The following LHPP variants were observed in gnomAD, a reference collection of about 807,000 sequenced individuals.
The protein encoded by LHPP is phospholysine phosphohistidine inorganic pyrophosphate phosphatase, also known as hLHPP.
LHPP carries 24 observed loss-of-function variants against 30.3 expected under a neutral mutation model. The observed-to-expected ratio is 0.79, with a 90% confidence interval of 0.57 to 1.11. The LOEUF (loss-of-function observed/expected upper bound fraction) is 1.11. Ranked by LOEUF, LHPP falls within the 50% of genes most tolerant of loss-of-function variation. LHPP has a pLI of 0.00. For missense variants in LHPP, 356 were observed against 367.2 expected (o/e 0.97, Z 0.25); for synonymous variants, 150 against 157.1 (o/e 0.95, Z 0.34).
At chr10:124,600,753 CA>C (rs1949010600) in intron 6 of LHPP, among the ~76,000 whole-genome samples, 1 of 152,196 alleles carries the variant, frequency 6.6e-6, no homozygotes, top group Admixed American at 6.5e-5. Context: ...GACTGCCCCC[CA>C]GCCCAGATTT....
intron 6 of LHPP, among the ~76,000 whole-genome samples, chr10:124,594,654 G>A (rs1419127402): frequency 1.4e-5 from 2 of 144,930 alleles, no homozygotes; most frequent in Non-Finnish European, 1.5e-5. Flanking sequence ...AATTTGAGAT[G>A]GAGTCTCACT....
chr10:124,498,232 A>T, intron 5 of LHPP, 104 bp downstream of exon 5: 1 of 1,502,180 alleles, frequency 6.7e-7, no homozygotes, highest in Non-Finnish European at 9.2e-7. Context: ...GGGGTTGGCC[A>T]GGCAGCCAAG....
intron 6 of LHPP, among the ~76,000 whole-genome samples, chr10:124,582,152 C>T (rs1051279243): frequency 1.3e-5 from 2 of 152,150 alleles, no homozygotes; most frequent in African/African-American, 2.4e-5. Context: ...ACAATCACAG[C>T]TCACTGCAAC....
chr10:124,507,094 G>A (rs1244828295), intron 5 of LHPP, among the ~76,000 whole-genome samples: 2 of 60,298 alleles, frequency 3.3e-5, no homozygotes, highest in Non-Finnish European at 6.2e-5. Flanking sequence ...GGGGGGGTAG[G>A]GAGGATTTCA....
At position 124,510,447 on chromosome 10, in the gene LHPP, C is replaced by T. The variant is rs910021492; in HGVS notation, c.625-6733C>T. On this transcript the variant is annotated intron_variant, in intron 5 of 6. Transcript: ENST00000368842. This position sits in a 1 kb window ranked among gnomAD's most constrained non-coding sequence, Gnocchi z 4.0. ...TCCGCCTCCCTCGCCGACAGCTTCCCGGGGCTCTGCCTGGAGGCAGCCTCG... is the reference window on the plus strand; with the variant it reads ...TCCGCCTCCCTCGCCGACAGCTTCCTGGGGCTCTGCCTGGAGGCAGCCTCG... Among the ~76,000 whole-genome samples, 3 of 152,154 alleles carry T rather than the reference C, an allele frequency of 2.0e-5. No homozygotes were observed. The highest frequency in any genetic ancestry group is 7.2e-5 in the African/African-American group (3 of 41,442).
intron 6 of LHPP, among the ~76,000 whole-genome samples, chr10:124,559,976 C>A (rs1035550406): frequency 2.0e-5 from 3 of 152,360 alleles, no homozygotes; most frequent in East Asian, 3.9e-4. Context: ...GGCAAGACAG[C>A]AGCTTTCAGG....
chr10:124,553,788 C>T (rs1045511287), intron 6 of LHPP: 2 of 629,892 alleles, frequency 3.2e-6, no homozygotes, highest in Non-Finnish European at 4.0e-6. Flanking sequence ...TGTATGACTC[C>T]CGGTGATATT....
intron 6 of LHPP, among the ~76,000 whole-genome samples, chr10:124,562,946 GA>G (rs71026100): frequency 0.11 from 15,668 of 138,550 alleles, 1,066 homozygotes; most frequent in East Asian, 0.29. Flanking sequence ...AAAAAAAAAA[GA>G]AAAAAAAAAA....
At chr10:124,509,886 T>C (rs1396425783) in intron 5 of LHPP, among the ~76,000 whole-genome samples, 2 of 152,116 alleles carry the variant, frequency 1.3e-5, no homozygotes, top group African/African-American at 4.8e-5. Flanking sequence ...CGGAAGCTCT[T>C]TGGTGCTGGA....
intron 6 of LHPP, among the ~76,000 whole-genome samples, chr10:124,572,718 G>A (rs767474450): frequency 6.8e-6 from 1 of 147,448 alleles, no homozygotes; most frequent in Non-Finnish European, 1.5e-5. Flanking sequence ...AGGGAGAAAG[G>A]AGGAAGGGAG....
At chr10:124,556,740 T>G (rs1401899330) in intron 6 of LHPP, among the ~76,000 whole-genome samples, 2 of 152,216 alleles carry the variant, frequency 1.3e-5, no homozygotes, top group Admixed American at 1.3e-4. Flanking sequence ...GGGAAAAGAA[T>G]GGGATCTTCT....
In LHPP at chr10:124,496,846, C is replaced by T. The variant is rs888798278; in HGVS notation, c.468-115C>T. 4 of 891,458 alleles carry T rather than the reference C, an allele frequency of 4.5e-6. No individual in the cohort carries two copies. Among genetic ancestry groups the T allele is most frequent in the Admixed American group, 4.4e-5 (2 of 45,222 alleles). The allele number at this position is 891,458 out of a possible 1,614,324, so 55.2% of individuals were successfully genotyped here. A position where few individuals can be genotyped will look rare whatever the true frequency, so the allele number is the denominator to read the frequency against. ...CGTAGCGCCTGGACTGCCCCTCAGC[C>T]GCGGCTTGGCTCTGCAGCCAGCGGG... On this transcript the variant is annotated intron_variant, in intron 3 of 6. Coordinates refer to ENST00000368842, the MANE Select transcript of LHPP (RefSeq NM_022126.4). The surrounding 1 kb of genome is among the most constrained non-coding windows in gnomAD (Gnocchi z 4.3).
intron 1 of LHPP, among the ~76,000 whole-genome samples, chr10:124,483,509 A>G (rs377099581): frequency 6.6e-6 from 1 of 152,150 alleles, no homozygotes; most frequent in East Asian, 1.9e-4. Flanking sequence ...ACGGTGGCTC[A>G]CACCTGTAAT....
chr10:124,584,460 G>A (rs1344098694), intron 6 of LHPP, among the ~76,000 whole-genome samples: 3 of 152,116 alleles, frequency 2.0e-5, no homozygotes, highest in African/African-American at 7.2e-5. Context: ...TTGGTGTCTG[G>A]TGAGTGCTAC....
chr10:124,610,504 C>T (rs879124133), intron 6 of LHPP, among the ~76,000 whole-genome samples: 1 of 58,448 alleles, frequency 1.7e-5, no homozygotes, highest in African/African-American at 9.9e-5. Flanking sequence ...AGGGTGTTGA[C>T]GGAGCGGGTG....
At chr10:124,539,749 A>AAAAT (rs1955135698) in intron 6 of LHPP, among the ~76,000 whole-genome samples, 1 of 150,306 alleles carries the variant, frequency 6.7e-6, no homozygotes, top group Admixed American at 6.6e-5. Context: ...AAAAAAAAAA[A>AAAAT]AAATTAGTCA....
At chr10:124,612,419 TAAAAA>T (rs781698980) in intron 6 of LHPP, among the ~76,000 whole-genome samples, 6 of 151,652 alleles carry the variant, frequency 4.0e-5, no homozygotes, top group Non-Finnish European at 8.8e-5. Flanking sequence ...AAATAAAAAA[TAAAAA>T]AGGCTCTGGA....
chr10:124,504,259 C>G (rs949853284), intron 5 of LHPP, among the ~76,000 whole-genome samples: 4 of 151,634 alleles, frequency 2.6e-5, no homozygotes, highest in Admixed American at 1.3e-4. Flanking sequence ...TTCCCCCGAC[C>G]CAAAACCCAA....
At chr10:124,575,907 A>G (rs908210692) in intron 6 of LHPP, among the ~76,000 whole-genome samples, 1 of 152,150 alleles carries the variant, frequency 6.6e-6, no homozygotes, top group Non-Finnish European at 1.5e-5. Flanking sequence ...GACGGCAGAG[A>G]GCCAGGGCTG....
Sources: allele counts gnomAD v4.1 joint callset (sites outside exome capture counted in the v4.1 genomes callset), GRCh38; gene constraint gnomAD v4.1.1; non-coding constraint Gnocchi (gnomAD v3.1); transcripts MANE v1.5; gene names NCBI Gene and HGNC (gene_info 2026-07-23, HGNC 2026-07-21).